Variants in CAMK2D observed in about 807,000 individuals in gnomAD.
CAMK2D encodes the protein calcium/calmodulin dependent protein kinase II delta.
Under a neutral mutation model 84.0 loss-of-function variants are expected in CAMK2D, and 37 were observed. The observed-to-expected ratio is 0.44, with a 90% CI of 0.34 to 0.58. CAMK2D has a LOEUF of 0.58. Among genes scored for constraint, CAMK2D ranks in the 20% least tolerant of loss-of-function variants. The pLI is 0.02. For synonymous variants in CAMK2D, 202 were observed against 212.5 expected (o/e 0.95, Z 0.43); for missense variants, 448 against 652.5 (o/e 0.69, Z 3.41).
chr4:113,675,491 T>G (rs1357882364), intron 2 of CAMK2D, among the ~76,000 whole-genome samples: 1 of 152,178 alleles, frequency 6.6e-6, no homozygotes, highest in Non-Finnish European at 1.5e-5. Context: ...GAAGATCCTT[T>G]CCAGACAAGA....
intron 2 of CAMK2D, among the ~76,000 whole-genome samples, chr4:113,668,355 A>G (rs2099265729): frequency 6.6e-6 from 1 of 152,182 alleles, no homozygotes; most frequent in Admixed American, 6.5e-5. Flanking sequence ...TCCTGGTTCT[A>G]CCACTAACTA....
chr4:113,694,111 G>A (rs561215432), intron 2 of CAMK2D, among the ~76,000 whole-genome samples: 21 of 152,090 alleles, frequency 1.4e-4, no homozygotes, highest in African/African-American at 4.1e-4. Flanking sequence ...TTATCTAGGG[G>A]TAGGCGGATT....
chr4:113,648,549 G>A (rs2099160482), intron 3 of CAMK2D, among the ~76,000 whole-genome samples: 1 of 152,216 alleles, frequency 6.6e-6, no homozygotes, highest in Admixed American at 6.5e-5. Context: ...ACATGTTTGG[G>A]AAAGGCACAA....
intron 17 of CAMK2D, among the ~76,000 whole-genome samples, chr4:113,462,973 T>C (rs1487773827): frequency 6.6e-6 from 1 of 152,210 alleles, no homozygotes; most frequent in African/African-American, 2.4e-5. Flanking sequence ...CTATAAACAA[T>C]TGTTTAATAG....
intron 14 of CAMK2D, 135 bp from the exon 15 acceptor site, chr4:113,503,112 C>T: frequency 1.3e-6 from 1 of 752,580 alleles, no homozygotes; most frequent in Non-Finnish European, 2.4e-6. Context: ...TAACTGCTGT[C>T]AGAGTTGCAG....
rs1026839447 is a variant in CAMK2D at position 113,493,950 on chromosome 4, C to T, written c.1135+6513G>A. On this transcript the variant is annotated intron_variant, in intron 16 of 20. Coordinates refer to ENST00000511664, the MANE Select transcript of CAMK2D (RefSeq NM_001321571.2). ...TTGATCGCATCGGCTCCTGAGGCTTCTGCATTCTTCACGTAGTTCTTGAGC... is the reference window on the plus strand; with the variant it reads ...TTGATCGCATCGGCTCCTGAGGCTTTTGCATTCTTCACGTAGTTCTTGAGC... Among the ~76,000 whole-genome samples the T allele has an allele frequency of 1.2e-3, 184 of 152,294 alleles. 1 individual carries two copies. The highest frequency in any genetic ancestry group is 3.4e-3 in the Middle Eastern group (1 of 294).
At chr4:113,760,954 C>T (rs1302359042) in intron 1 of CAMK2D, 50 bp downstream of exon 1, 1 of 1,612,938 alleles carries the variant, frequency 6.2e-7, no homozygotes, top group Non-Finnish European at 8.5e-7. Flanking sequence ...GCAACGCGAC[C>T]CGCCCTCAGC....
intron 2 of CAMK2D, among the ~76,000 whole-genome samples, chr4:113,721,448 G>T (rs1251683866): frequency 6.6e-6 from 1 of 152,140 alleles, no homozygotes; most frequent in Non-Finnish European, 1.5e-5. Flanking sequence ...CCTGAGGACT[G>T]GGAAATTCTA....
chr4:113,484,686 A>G (rs2097747760), intron 16 of CAMK2D, among the ~76,000 whole-genome samples: 1 of 152,222 alleles, frequency 6.6e-6, no homozygotes, highest in Admixed American at 6.5e-5. Flanking sequence ...CAATCAAGTC[A>G]ACACATTCCT....
intron 5 of CAMK2D, chr4:113,548,795 G>A: frequency 1.4e-6 from 1 of 725,824 alleles, no homozygotes. Flanking sequence ...CATTGAATAT[G>A]AAATAAAATG....
At chr4:113,629,695 T>C (rs938736579) in intron 3 of CAMK2D, among the ~76,000 whole-genome samples, 1 of 151,674 alleles carries the variant, frequency 6.6e-6, no homozygotes, top group African/African-American at 2.4e-5. Flanking sequence ...GTGAATTGAC[T>C]TAGCAGTGAA....
At chr4:113,644,095 C>T (rs1012109149) in intron 3 of CAMK2D, among the ~76,000 whole-genome samples, 2 of 152,162 alleles carry the variant, frequency 1.3e-5, no homozygotes, top group African/African-American at 4.8e-5. Flanking sequence ...AAGCTCACAA[C>T]TGAAGTGATT....
At chr4:113,526,414 A>ATATGTGTGTGTGTGTGTGTGTGTGTGTG (rs1553930374) in intron 8 of CAMK2D, among the ~76,000 whole-genome samples, 18 of 149,678 alleles carry the variant, frequency 1.2e-4, no homozygotes, top group Middle Eastern at 3.4e-3. Context: ...GTCATTCTTG[A>ATATGTGTGTGTGTGTGTGTGTGTGTGTG]TGTGTGTGTG....
chr4:113,506,688 C>T (rs2098131713), intron 13 of CAMK2D, among the ~76,000 whole-genome samples: 1 of 152,128 alleles, frequency 6.6e-6, no homozygotes, highest in African/African-American at 2.4e-5. Context: ...ATGGTTAAAG[C>T]ACCACATGTA....
chr4:113,685,239 C>CTTT (rs568703311), intron 2 of CAMK2D, among the ~76,000 whole-genome samples: 1 of 137,626 alleles, frequency 7.3e-6, no homozygotes, highest in African/African-American at 2.7e-5. Context: ...TTTCAGACTT[C>CTTT]TTTTTTTTTT....
At chr4:113,462,342 A>G (rs568854652) in intron 17 of CAMK2D, among the ~76,000 whole-genome samples, 11 of 147,466 alleles carry the variant, frequency 7.5e-5, no homozygotes, top group African/African-American at 2.5e-4. Context: ...CTGTCTGTCT[A>G]TCTATCTATC....
intron 8 of CAMK2D, among the ~76,000 whole-genome samples, chr4:113,519,102 T>C (rs1330389170): frequency 6.6e-6 from 1 of 152,078 alleles, no homozygotes; most frequent in African/African-American, 2.4e-5. Context: ...AGGAGGCAAG[T>C]AGAAAAAAAG....
chr4:113,461,922 A>T (rs970857647), intron 17 of CAMK2D, among the ~76,000 whole-genome samples: 1 of 152,242 alleles, frequency 6.6e-6, no homozygotes, highest in African/African-American at 2.4e-5. Flanking sequence ...TACCTTTAAA[A>T]AGTAGAAATC....
At chr4:113,713,791 C>T (rs2099502581) in intron 2 of CAMK2D, among the ~76,000 whole-genome samples, 1 of 151,510 alleles carries the variant, frequency 6.6e-6, no homozygotes, top group Non-Finnish European at 1.5e-5. Flanking sequence ...AGCCTGGGTA[C>T]CTATCCTTCA....
Sources: gnomAD v4.1 joint callset for allele counts (sites outside exome capture counted in the v4.1 genomes callset) on GRCh38, gnomAD v4.1.1 for gene constraint, MANE v1.5 for transcripts, NCBI Gene and HGNC (gene_info 2026-07-23, HGNC 2026-07-21) for gene names.